The following MTMR2 variants were observed in gnomAD, a reference collection of about 807,000 sequenced individuals.
The protein encoded by MTMR2 is phosphatidylinositol-3,5-bisphosphate 3-phosphatase MTMR2.
A neutral mutation model predicts 86.9 loss-of-function variants in MTMR2; 55 were observed. That is an observed-to-expected ratio of 0.63 (90% CI 0.51 to 0.79). The LOEUF (loss-of-function observed/expected upper bound fraction) is 0.79, where lower values mean the gene tolerates loss of function less well. Among genes scored for constraint, MTMR2 ranks in the 30% least tolerant of loss-of-function variants. The probability of loss-of-function intolerance (pLI) is 0.00; values close to 1 mark genes in which losing one functional copy is unlikely to be tolerated. For synonymous variants in MTMR2, 241 were observed against 266.8 expected, an observed-to-expected ratio of 0.90 and a Z score of 0.94; for missense variants, 659 against 772.3, an observed-to-expected ratio of 0.85 and a Z score of 1.74.
Position 95,842,601 on chromosome 11 carries a change from C to A in MTMR2, c.1387-892G>T, listed in dbSNP as rs188432756. Among the ~76,000 whole-genome samples, 954 of 152,306 alleles carry A rather than the reference C, an allele frequency of 6.3e-3. 16 individuals are homozygous for A. Among genetic ancestry groups the A allele is most frequent in the South Asian group, 0.034 (166 of 4,826 alleles). On this transcript the variant is annotated intron_variant, in intron 11 of 14. Transcript: ENST00000346299. ...GAAAACAGAATCCTGCTCCTTACCC[C>A]AAAGCAGGAATTCTAAAAGTGTGGT...
chr11:95,847,942 C>A, intron 9 of MTMR2, 43 bp from the exon 10 acceptor site: 2 of 1,520,554 alleles, frequency 1.3e-6, no homozygotes, highest in Non-Finnish European at 1.8e-6. Flanking sequence ...AATGAATGCA[C>A]ATCTGTAAAC....
At chr11:95,854,430 T>G (rs573280284) in intron 7 of MTMR2, among the ~76,000 whole-genome samples, 2 of 152,334 alleles carry the variant, frequency 1.3e-5, no homozygotes, top group South Asian at 4.1e-4. Context: ...ATGTAACTTA[T>G]GTTGGGTATT....
intron 2 of MTMR2, among the ~76,000 whole-genome samples, chr11:95,866,932 C>T (rs777740606): frequency 6.6e-6 from 1 of 151,776 alleles, no homozygotes; most frequent in Non-Finnish European, 1.5e-5. Context: ...TATAGTACCA[C>T]ACATAGGTTG....
intron 2 of MTMR2, among the ~76,000 whole-genome samples, chr11:95,871,041 C>A (rs186387305): frequency 3.0e-4 from 46 of 152,200 alleles, no homozygotes; most frequent in African/African-American, 1.1e-3. Context: ...CCAGCTTCAT[C>A]CATGCCCCTA....
At chr11:95,918,451 G>A (rs1202097517) in intron 1 of MTMR2, among the ~76,000 whole-genome samples, 1 of 152,052 alleles carries the variant, frequency 6.6e-6, no homozygotes, top group African/African-American at 2.4e-5. Context: ...AGATATATAC[G>A]GGACCCAGTC....
intron 1 of MTMR2, among the ~76,000 whole-genome samples, chr11:95,900,588 C>G (rs1341431346): frequency 6.6e-6 from 1 of 151,972 alleles, no homozygotes; most frequent in Non-Finnish European, 1.5e-5. Context: ...ATAAACTTAC[C>G]TATATCCAAA....
intron 2 of MTMR2, among the ~76,000 whole-genome samples, chr11:95,883,036 G>A (rs1011625657): frequency 1.3e-5 from 2 of 150,924 alleles, no homozygotes; most frequent in Admixed American, 6.6e-5. Context: ...GTGATCCACC[G>A]CGCCCGGCCA....
At chr11:95,898,833 A>C (rs1865971600) in intron 1 of MTMR2, among the ~76,000 whole-genome samples, 1 of 152,118 alleles carries the variant, frequency 6.6e-6, no homozygotes, top group Non-Finnish European at 1.5e-5. Flanking sequence ...GAAGATTCTA[A>C]AGAGGTTCAA....
At chr11:95,916,974 A>G (rs1223959175) in intron 1 of MTMR2, among the ~76,000 whole-genome samples, 1 of 152,210 alleles carries the variant, frequency 6.6e-6, no homozygotes, top group African/African-American at 2.4e-5. Flanking sequence ...TTAGCTTTGC[A>G]TAATAAAGCT....
intron 1 of MTMR2, among the ~76,000 whole-genome samples, chr11:95,919,415 C>T (rs1269545920): frequency 6.6e-6 from 1 of 151,934 alleles, no homozygotes; most frequent in African/African-American, 2.4e-5. Flanking sequence ...ATAAGATGCT[C>T]ATCAATGCTA....
chr11:95,838,087 A>G lies in MTMR2; in HGVS notation c.1593+7T>C. The G allele has an allele frequency of 6.6e-7, 1 of 1,515,174 alleles. No individual in the cohort carries two copies. The highest frequency in any genetic ancestry group is 1.1e-5 in the South Asian group (1 of 89,392). 93.9% of individuals were successfully genotyped at this position (1,515,174 alleles called of 1,614,324 possible). A position where few individuals can be genotyped will look rare whatever the true frequency, so the allele number is the denominator to read the frequency against. Reference sequence around the variant, plus strand: ...TAGTATGGGGAAGGTCATGTTTCATATTTTACCTCTTTTCCTCTCTGTTGT... The same window carrying G: ...TAGTATGGGGAAGGTCATGTTTCATGTTTTACCTCTTTTCCTCTCTGTTGT... On this transcript the variant is annotated splice_region_variant and intron_variant, in intron 13 of 14. Coordinates refer to ENST00000346299, the MANE Select transcript of MTMR2 (RefSeq NM_016156.6).
intron 1 of MTMR2, chr11:95,907,771 C>A: frequency 2.9e-6 from 1 of 346,162 alleles, no homozygotes; most frequent in Non-Finnish European, 5.6e-6. Context: ...ACCATATGAT[C>A]ATCTCGACAG....
At chr11:95,851,516 C>G (rs1308552567) in intron 7 of MTMR2, among the ~76,000 whole-genome samples, 1 of 152,120 alleles carries the variant, frequency 6.6e-6, no homozygotes, top group African/African-American at 2.4e-5. Flanking sequence ...GCATGCGCCA[C>G]CATGCCCGGC....
intron 1 of MTMR2, among the ~76,000 whole-genome samples, chr11:95,888,718 CAT>C (rs1349548895): frequency 8.1e-6 from 1 of 122,904 alleles, no homozygotes; most frequent in African/African-American, 5.1e-5. Context: ...TACACACACA[CAT>C]ACACACACAC....
At chr11:95,857,434 T>TA (rs1452092208) in intron 7 of MTMR2, 118 bp downstream of exon 7, 1 of 721,614 alleles carries the variant, frequency 1.4e-6, no homozygotes, top group Non-Finnish European at 2.5e-6. Context: ...TTTAATCTCT[T>TA]AATGTGGTGA....
intron 1 of MTMR2, among the ~76,000 whole-genome samples, chr11:95,889,514 T>TG (rs1266042708): frequency 2.5e-4 from 29 of 114,030 alleles, no homozygotes; most frequent in Admixed American, 1.2e-3. Context: ...TATGTCTTTT[T>TG]TGGGGGGGGA....
At chr11:95,917,374 T>TA (rs1866747967) in intron 1 of MTMR2, among the ~76,000 whole-genome samples, 2 of 152,182 alleles carry the variant, frequency 1.3e-5, no homozygotes, top group African/African-American at 4.8e-5. Flanking sequence ...AAAATAAACT[T>TA]ACTGCTTTCT....
chr11:95,901,730 C>T (rs999489041), intron 1 of MTMR2, among the ~76,000 whole-genome samples: 1 of 152,004 alleles, frequency 6.6e-6, no homozygotes, highest in Non-Finnish European at 1.5e-5. Flanking sequence ...AACGTATACC[C>T]CAATATTTAT....
Position 95,924,100 on chromosome 11 carries a change from C to CGGCCTCAAGTTAAATTTT in MTMR2, c.-147_-146insAAAATTTAACTTGAGGCC. The stretch of plus-strand genomic sequence containing the variant: ...GAGACCGGAAGCGGCCATGTTCCCC[C>CGGCCTCAAGTTAAATTTT]AGAGTGCACCGCGCCTGTAGGCTGC... On this transcript the variant is annotated 5_prime_UTR_variant, in exon 1 of 15. Transcript: ENST00000346299. 40 of 1,004,728 alleles carry CGGCCTCAAGTTAAATTTT rather than the reference C, an allele frequency of 4.0e-5. No homozygotes were observed. Among genetic ancestry groups the CGGCCTCAAGTTAAATTTT allele is most frequent in the Non-Finnish European group, 5.3e-5 (35 of 662,952 alleles). 62.2% of individuals were successfully genotyped at this position (1,004,728 alleles called of 1,614,324 possible). A position where few individuals can be genotyped will look rare whatever the true frequency, so the allele number is the denominator to read the frequency against.
Sources: gnomAD v4.1 joint callset for allele counts (sites outside exome capture counted in the v4.1 genomes callset) on GRCh38, gnomAD v4.1.1 for gene constraint, MANE v1.5 for transcripts, NCBI Gene and HGNC (gene_info 2026-07-23, HGNC 2026-07-21) for gene names.